The following NAT10 variants were observed in gnomAD, a reference collection of about 807,000 sequenced individuals.
NAT10 encodes N-acetyltransferase 10, also known as RNA cytidine acetyltransferase.
In NAT10, 109 loss-of-function variants were observed where a neutral mutation model predicts 132.2. The observed-to-expected ratio is 0.82, with a 90% CI of 0.71 to 0.97. NAT10 has a LOEUF of 0.97. Among genes scored for constraint, NAT10 ranks in the 50% least tolerant of loss-of-function variants. NAT10 has a pLI of 0.00. For missense variants in NAT10, 1,184 were observed against 1,263.4 expected (o/e 0.94, Z 0.95); for synonymous variants, 479 against 478.0 (o/e 1.00, Z -0.03).
rs778853778 is a variant in NAT10, at chr11:34,140,446, G to C, written c.2466G>C (p.Leu822=). ...AAGCACTCTTCCTCCCCTATGACCTGAAGCGGCTGGAGATGTATTCACGGA... is the reference window on the plus strand; with the variant it reads ...AAGCACTCTTCCTCCCCTATGACCTCAAGCGGCTGGAGATGTATTCACGGA... ...ELEALFLPYD[L]KRLEMYSRNM... The change falls in exon 24 of 29, where the codon CTG becomes CTC. Residue 822 remains leucine (L), a synonymous_variant. Transcript: ENST00000257829. 6.2e-7 allele frequency: 1 copy of C among 1,614,190 alleles called. No individual in the cohort carries two copies. The highest frequency in any genetic ancestry group is 8.5e-7 in the Non-Finnish European group (1 of 1,180,026).
At chr11:34,137,236 C>T (rs1852233763) in intron 21 of NAT10, among the ~76,000 whole-genome samples, 3 of 152,202 alleles carry the variant, frequency 2.0e-5, no homozygotes, top group Admixed American at 2.0e-4. Context: ...CTACACGGTG[C>T]ATGCGTTGAG....
chr11:34,113,636 C>CA (rs34445882), intron 4 of NAT10, 80 bp from the exon 5 acceptor site: 15,799 of 899,428 alleles, frequency 0.018, 58 homozygotes, highest in African/African-American at 0.061. Flanking sequence ...GACTCCATCT[C>CA]AAAAAAAAAA....
At chr11:34,127,712 T>C in intron 12 of NAT10, 113 bp downstream of exon 12, 1 of 1,327,224 alleles carries the variant, frequency 7.5e-7, no homozygotes, top group Non-Finnish European at 1.0e-6. Context: ...TCAGAGTCTC[T>C]GAGTGTTTGA....
Position 34,112,055 on chromosome 11 carries a change from C to G in NAT10, c.204C>G (p.His68Gln). Residue 68 changes from histidine (H) to glutamine (Q), a missense_variant, in exon 4 of 29, where the codon CAC (histidine) becomes CAG (glutamine). Transcript: ENST00000257829. Reference protein sequence around the residue: ...CYKKELGFSSHRKKRMRQLQK... With the variant: ...CYKKELGFSSQRKKRMRQLQK... Reference sequence around the variant, plus strand: ...GATTGGGGGTGTGTGATTGCAGTCACCGGAAGAAAAGAATGCGACAGCTGC... The same window carrying G: ...GATTGGGGGTGTGTGATTGCAGTCAGCGGAAGAAAAGAATGCGACAGCTGC... 1 of 1,614,060 alleles carries G rather than the reference C, an allele frequency of 6.2e-7. No homozygotes were observed.
At chr11:34,126,641 C>T (rs935251555) in intron 11 of NAT10, among the ~76,000 whole-genome samples, 4 of 152,212 alleles carry the variant, frequency 2.6e-5, no homozygotes, top group African/African-American at 9.6e-5. Context: ...ACCTCATCAA[C>T]TCTGGATGTT....
At chr11:34,134,255 T>A in intron 16 of NAT10, 64 bp from the exon 17 acceptor site, 1 of 1,393,334 alleles carries the variant, frequency 7.2e-7, no homozygotes, top group Non-Finnish European at 1.0e-6. Context: ...ACAAGCTATA[T>A]TCTGTGAGTG....
chr11:34,123,723 C>T, intron 9 of NAT10, 39 bp from the exon 10 acceptor site: 2 of 1,416,218 alleles, frequency 1.4e-6, no homozygotes, highest in East Asian at 2.3e-5. Flanking sequence ...TAAGATGTTC[C>T]TAATTTCTTA....
chr11:34,140,463 A>G lies in NAT10; in HGVS notation c.2483A>G (p.Tyr828Cys). 1 of 1,614,186 alleles carries G rather than the reference A, an allele frequency of 6.2e-7. No homozygotes were observed. The highest frequency in any genetic ancestry group is 8.5e-7 in the Non-Finnish European group (1 of 1,180,028). ...TATGACCTGAAGCGGCTGGAGATGTATTCACGGAATATGGTGGACTATCAC... is the reference window on the plus strand; with the variant it reads ...TATGACCTGAAGCGGCTGGAGATGTGTTCACGGAATATGGTGGACTATCAC... ...LPYDLKRLEM[Y>C]SRNMVDYHLI... is the part of the protein sequence containing the mutation. The change falls in exon 24 of 29, where the codon TAT becomes TGT. Residue 828 changes from tyrosine to cysteine, a missense_variant. By Grantham distance (194) the Tyr-to-Cys change is radical (BLOSUM62 -2). Transcript: ENST00000257829.
intron 5 of NAT10, among the ~76,000 whole-genome samples, chr11:34,114,776 C>T (rs1851756374): frequency 6.6e-6 from 1 of 152,204 alleles, no homozygotes; most frequent in East Asian, 1.9e-4. Flanking sequence ...CACTCCTTAA[C>T]CGGCTTTATT....
chr11:34,109,249 T>G (rs563062818), intron 3 of NAT10, among the ~76,000 whole-genome samples: 1 of 152,280 alleles, frequency 6.6e-6, no homozygotes, highest in South Asian at 2.1e-4. Flanking sequence ...CCTCACCTCT[T>G]TCAGGACCTG....
chr11:34,131,599 G>A, intron 14 of NAT10, 68 bp downstream of exon 14: 1 of 1,475,014 alleles, frequency 6.8e-7, no homozygotes, highest in Non-Finnish European at 9.2e-7. Flanking sequence ...CAAAGGACTT[G>A]AGTCCTTTGT....
chr11:34,115,382 AC>A (rs1231914840), intron 5 of NAT10, among the ~76,000 whole-genome samples: 1 of 152,094 alleles, frequency 6.6e-6, no homozygotes, highest in Non-Finnish European at 1.5e-5. Context: ...GCCCTCCCTC[AC>A]TACCCTACAT....
chr11:34,133,718 G>A (rs1427232029), intron 16 of NAT10, among the ~76,000 whole-genome samples: 1 of 152,134 alleles, frequency 6.6e-6, no homozygotes, highest in Non-Finnish European at 1.5e-5. Context: ...AGCCTCATGA[G>A]CATCCTGTGT....
Position 34,131,435 on chromosome 11 carries a change from A to T in NAT10, c.1424A>T (p.Asp475Val). The T allele has an allele frequency of 6.2e-7, 1 of 1,614,090 alleles. No homozygotes were observed. The highest frequency in any genetic ancestry group is 8.5e-7 in the Non-Finnish European group (1 of 1,180,012). The change falls in exon 14 of 29, where the codon GAT (aspartate) becomes GTT (valine). Residue 475 changes from aspartate (D) to valine (V), a missense_variant. Physicochemically the swap from Asp to Val is radical, Grantham distance 152 (BLOSUM62 -3). Transcript: ENST00000257829. ...GAGTCAATCCGATACGCCCCTGGGG[A>T]TGCAGTGGAGAAGTGGCTGAATGAC... is the stretch of plus-strand genomic sequence containing the variant. The part of the protein sequence containing the change: ...LQESIRYAPG[D>V]AVEKWLNDLL...
chr11:34,121,844 G>GT (rs1334940837), intron 8 of NAT10, among the ~76,000 whole-genome samples: 1 of 122,594 alleles, frequency 8.2e-6, no homozygotes, highest in Non-Finnish European at 1.6e-5. Flanking sequence ...TGGTGACAGA[G>GT]CGAGACTCTG....
At chr11:34,122,339 CA>C in intron 8 of NAT10, 119 bp from the exon 9 acceptor site, 2 of 1,320,398 alleles carry the variant, frequency 1.5e-6, no homozygotes, top group East Asian at 2.3e-5. Context: ...TTCTGGCCTG[CA>C]AGAACTGCCG....
At chr11:34,108,433 C>A in intron 2 of NAT10, 100 bp downstream of exon 2, 1 of 977,256 alleles carries the variant, frequency 1.0e-6, no homozygotes, top group Admixed American at 2.1e-5. Context: ...GCATTAAGAT[C>A]TCTTTGGCTG....
intron 11 of NAT10, among the ~76,000 whole-genome samples, chr11:34,126,027 A>G (rs958131983): frequency 1.3e-5 from 2 of 152,220 alleles, no homozygotes; most frequent in African/African-American, 4.8e-5. Flanking sequence ...TCCCTGGCCC[A>G]TCAGCTTGTA....
chr11:34,136,641 G>A lies in NAT10; in HGVS notation c.2029-1G>A, dbSNP rs773309014. The A allele has an allele frequency of 1.3e-5, 21 of 1,614,014 alleles. No individual in the cohort carries two copies. The highest frequency in any genetic ancestry group is 1.8e-5 in the Non-Finnish European group (21 of 1,180,028). On this transcript the variant is annotated splice_acceptor_variant, in intron 19 of 28. Transcript: ENST00000257829. LOFTEE classifies it high-confidence loss of function. ...GTGTTCTCTCCTTGGCATCTTCCCA[G>A]GCTGTCAGCTTGTTGGAAGAGGTCA...
Sources: gnomAD v4.1 joint callset for allele counts (sites outside exome capture counted in the v4.1 genomes callset) on GRCh38, gnomAD v4.1.1 for gene constraint, MANE v1.5 for transcripts, NCBI Gene and HGNC (gene_info 2026-07-23, HGNC 2026-07-21) for gene names.